EP300: variants seen among roughly 807,000 people sequenced by gnomAD.
The protein encoded by EP300 is EP300 lysine acetyltransferase.
In EP300, 31 loss-of-function variants were observed where a neutral mutation model predicts 264.0. The observed-to-expected ratio is 0.12, with a 90% CI of 0.09 to 0.16. EP300 has a LOEUF of 0.16. Among genes scored for constraint, EP300 ranks in the 10% least tolerant of loss-of-function variants. EP300 has a pLI of 1.00. For missense variants in EP300, 2,766 were observed against 3,052.9 expected (o/e 0.91, Z 2.21); for synonymous variants, 1,340 against 1,045.4 (o/e 1.28, Z -5.44).
At chr22:41,136,530 G>A (rs13053662) in intron 7 of EP300, among the ~76,000 whole-genome samples, 11,163 of 151,076 alleles carry the variant, frequency 0.074, 556 homozygotes, top group East Asian at 0.17. Context: ...GCATGGTGGC[G>A]TGCACCTGTA....
At chr22:41,156,942 A>C (rs2059080832) in intron 17 of EP300, among the ~76,000 whole-genome samples, 1 of 152,186 alleles carries the variant, frequency 6.6e-6, no homozygotes. Context: ...TATCAGCCTG[A>C]TGTCTAGAAA....
chr22:41,166,684 A>G lies in EP300; in HGVS notation c.3874+18A>G. 6.2e-7 allele frequency: 1 copy of G among 1,602,858 alleles called. No homozygotes were observed. The highest frequency in any genetic ancestry group is 8.5e-7 in the Non-Finnish European group (1 of 1,172,160). ...TGCTAAAAGTAAGTTTTATTCTTAAAGGTAAATTTTGGCAAAACTTATCTG... is the reference window on the plus strand; with the variant it reads ...TGCTAAAAGTAAGTTTTATTCTTAAGGGTAAATTTTGGCAAAACTTATCTG... On this transcript the variant is annotated intron_variant, in intron 23 of 30. Coordinates refer to ENST00000263253, the MANE Select transcript of EP300 (RefSeq NM_001429.4).
chr22:41,131,620 C>T lies in EP300; in HGVS notation c.1515C>T (p.Pro505=). ...GGCAGTCTCCCCAAGGCATGCGGCC[C>T]ATGAGCAACATGAGTAAGTTTGTGT... The part of the protein sequence containing the change: ...QPGQSPQGMR[P]MSNMSASPMG... Residue 505 remains proline (P), a synonymous_variant, in exon 6 of 31, where the codon CCC becomes CCT. Transcript: ENST00000263253. The T allele has an allele frequency of 6.2e-7, 1 of 1,614,100 alleles. No individual in the cohort carries two copies. The highest frequency in any genetic ancestry group is 1.6e-4 in the Middle Eastern group (1 of 6,062).
intron 19 of EP300, chr22:41,160,427 A>C (rs1172856773): frequency 3.5e-5 from 18 of 518,170 alleles, no homozygotes; most frequent in Non-Finnish European, 5.6e-5. Context: ...TGCAAAAAAA[A>C]AAACAAAAAA....
chr22:41,094,979 T>A (rs1174179701), intron 1 of EP300, among the ~76,000 whole-genome samples: 1 of 152,138 alleles, frequency 6.6e-6, no homozygotes, highest in Non-Finnish European at 1.5e-5. Context: ...AAGTGGGCTT[T>A]TATAGTTTAA....
chr22:41,167,584 GTATATATATATA>G (rs56131556), intron 23 of EP300, among the ~76,000 whole-genome samples: 217 of 34,366 alleles, frequency 6.3e-3, no homozygotes, highest in South Asian at 0.015. Context: ...GTGTGTGTGT[GTATATATATATA>G]TATATATATA....
Position 41,092,811 on chromosome 22 carries a change from A to G in EP300, c.-194A>G. 1.5e-6 allele frequency: 1 copy of G among 680,590 alleles called. No homozygotes were observed. Among genetic ancestry groups the G allele is most frequent in the Non-Finnish European group, 2.6e-6 (1 of 377,430 alleles). The allele number at this position is 680,590 out of a possible 1,614,324, so 42.2% of individuals were successfully genotyped here. A position where few individuals can be genotyped will look rare whatever the true frequency, so the allele number is the denominator to read the frequency against. On this transcript the variant is annotated 5_prime_UTR_variant, in exon 1 of 31. Coordinates refer to ENST00000263253, the MANE Select transcript of EP300 (RefSeq NM_001429.4). Reference sequence around the variant, plus strand: ...GGCCCGGCCCCTCGCACTTGCCCTTACCTTTTCTATCGAGTCCGCATCCCT... The same window carrying G: ...GGCCCGGCCCCTCGCACTTGCCCTTGCCTTTTCTATCGAGTCCGCATCCCT...
At chr22:41,150,285 T>A in intron 14 of EP300, 87 bp downstream of exon 14, 2 of 1,420,680 alleles carry the variant, frequency 1.4e-6, no homozygotes, top group Non-Finnish European at 1.9e-6. Flanking sequence ...TCTCTTTTGC[T>A]TTATCTCTTA....
At chr22:41,122,157 CTTTTTTTTTTTTT>C (rs71328774) in intron 2 of EP300, among the ~76,000 whole-genome samples, 18 of 35,876 alleles carry the variant, frequency 5.0e-4, no homozygotes, top group African/African-American at 9.1e-4. Flanking sequence ...TCTTCTTCTT[CTTTTTTTTTTTTT>C]TTTTTTTTTT....
intron 17 of EP300, among the ~76,000 whole-genome samples, chr22:41,156,027 T>A (rs548511375): frequency 6.6e-6 from 1 of 152,262 alleles, no homozygotes; most frequent in Admixed American, 6.5e-5. Flanking sequence ...TTTTGTTTTT[T>A]TGAGATGGAG....
chr22:41,103,050 A>G (rs183009167), intron 1 of EP300, among the ~76,000 whole-genome samples: 11 of 152,232 alleles, frequency 7.2e-5, no homozygotes, highest in Non-Finnish European at 1.0e-4. Context: ...GGGTTTCACC[A>G]TGTTGATCAG....
intron 27 of EP300, among the ~76,000 whole-genome samples, chr22:41,171,471 G>T (rs946975982): frequency 6.6e-6 from 1 of 151,902 alleles, no homozygotes; most frequent in Non-Finnish European, 1.5e-5. Context: ...TGAGTTGCTG[G>T]GACTAGGTGC....
In EP300 at chr22:41,092,883, C is replaced by G. The variant is rs989249159; in HGVS notation, c.-122C>G. 10 of 1,027,650 alleles carry G rather than the reference C, an allele frequency of 9.7e-6. No individual in the cohort carries two copies. The highest frequency in any genetic ancestry group is 1.5e-6 in the Non-Finnish European group (1 of 648,166). 63.7% of individuals were successfully genotyped at this position (1,027,650 alleles called of 1,614,324 possible). A position where few individuals can be genotyped will look rare whatever the true frequency, so the allele number is the denominator to read the frequency against. On this transcript the variant is annotated 5_prime_UTR_variant, in exon 1 of 31. Coordinates refer to ENST00000263253, the MANE Select transcript of EP300 (RefSeq NM_001429.4). Reference sequence around the variant, plus strand: ...GAAGAGAAAAAGGAACTTCCCCCACCCCCTCGGGTGCCGTCGGAGCCCCCC... The same window carrying G: ...GAAGAGAAAAAGGAACTTCCCCCACGCCCTCGGGTGCCGTCGGAGCCCCCC...
chr22:41,137,511 A>G, intron 7 of EP300, 142 bp from the exon 8 acceptor site: 5 of 1,096,718 alleles, frequency 4.6e-6, no homozygotes, highest in Non-Finnish European at 6.8e-6. Context: ...CTAGTCACAC[A>G]CTTCTCCCTG....
Position 41,155,131 on chromosome 22 carries a change from CT to C in EP300, c.3261+22del, listed in dbSNP as rs746502664. On this transcript the variant is annotated intron_variant, in intron 17 of 30. Coordinates refer to ENST00000263253, the MANE Select transcript of EP300 (RefSeq NM_001429.4). The stretch of plus-strand genomic sequence containing the variant: ...GAATCCCTGTAAGTATTTGGTGGTA[CT>C]TTTGATTTTATTTTTTAATTTGATA... The C allele has an allele frequency of 2.6e-6, 4 of 1,527,114 alleles. No individual in the cohort carries two copies. The East Asian group carries it at 9.0e-5, about 34-fold the overall frequency. The allele number at this position is 1,527,114 out of a possible 1,614,324, so 94.6% of individuals were successfully genotyped here. A position where few individuals can be genotyped will look rare whatever the true frequency, so the allele number is the denominator to read the frequency against.
intron 22 of EP300, among the ~76,000 whole-genome samples, chr22:41,164,528 A>G (rs948540427): frequency 2.6e-5 from 4 of 152,306 alleles, no homozygotes; most frequent in Admixed American, 1.3e-4. Context: ...CCTGACCAAC[A>G]TGGCAAAACC....
At chr22:41,137,542 A>G in intron 7 of EP300, 111 bp from the exon 8 acceptor site, 1 of 1,428,082 alleles carries the variant, frequency 7.0e-7, no homozygotes, top group South Asian at 1.2e-5. Context: ...TAATGCGAAT[A>G]GAAGTGACAT....
chr22:41,159,206 T>TG (rs1159197611), intron 19 of EP300: 1 of 152,418 alleles, frequency 6.6e-6, no homozygotes, highest in East Asian at 1.9e-4. Flanking sequence ...GGTGTTTATT[T>TG]GGGGCTCTGA....
intron 1 of EP300, among the ~76,000 whole-genome samples, chr22:41,103,087 G>T (rs2058740655): frequency 6.6e-6 from 1 of 152,150 alleles, no homozygotes; most frequent in Non-Finnish European, 1.5e-5. Flanking sequence ...GGCCTCAAGT[G>T]ATCTGCTCGC....
Sources: gnomAD v4.1 joint callset for allele counts (sites outside exome capture counted in the v4.1 genomes callset) on GRCh38, gnomAD v4.1.1 for gene constraint, MANE v1.5 for transcripts, NCBI Gene and HGNC (gene_info 2026-07-23, HGNC 2026-07-21) for gene names.